TMCO6: variants seen among roughly 807,000 people sequenced by gnomAD.
TMCO6 encodes the protein transmembrane and coiled-coil domains 6.
Under a neutral mutation model 61.8 loss-of-function variants are expected in TMCO6, and 47 were observed. That is an observed-to-expected ratio of 0.76 (90% CI 0.60 to 0.97). The LOEUF is 0.97. Ranked by LOEUF, TMCO6 falls within the 50% of genes least tolerant of loss-of-function variation. The pLI, the probability that TMCO6 is intolerant of heterozygous loss-of-function variation, is 0.00. For synonymous variants in TMCO6, 261 were observed against 254.2 expected, an observed-to-expected ratio of 1.03 and a Z score of -0.25; for missense variants, 557 against 601.6, an observed-to-expected ratio of 0.93 and a Z score of 0.78.
At chr5:140,604,020 T>A in the TMCO6 span, among the ~76,000 whole-genome samples, 3 of 152,230 alleles carry the variant, frequency 2.0e-5, no homozygotes, top group Non-Finnish European at 4.4e-5. Flanking sequence ...ATTTAAAAAA[T>A]TTATCATTAT....
chr5:140,635,835 T>C (rs1008682598), upstream of TMCO6, among the ~76,000 whole-genome samples: 4 of 152,088 alleles, frequency 2.6e-5, no homozygotes, highest in Non-Finnish European at 4.4e-5. Flanking sequence ...AGACAGGACA[T>C]GGGGCTGGTT....
chr5:140,601,546 C>T, the TMCO6 span, among the ~76,000 whole-genome samples: 2 of 152,168 alleles, frequency 1.3e-5, no homozygotes, highest in African/African-American at 4.8e-5. Flanking sequence ...ACCCCATTCA[C>T]GTCAGCCTTA....
rs765665664 is a variant in TMCO6 at position 140,644,737 on chromosome 5, A to C, written c.1365A>C (p.Pro455=). 1 of 1,614,200 alleles carries C rather than the reference A, an allele frequency of 6.2e-7. No homozygotes were observed. Among genetic ancestry groups the C allele is most frequent in the East Asian group, 2.2e-5 (1 of 44,890 alleles). The change falls in exon 11 of 12, where the codon CCA becomes CCC. Residue 455 remains proline (P), a synonymous_variant. Coordinates refer to ENST00000394671, the MANE Select transcript of TMCO6 (RefSeq NM_018502.5). ...ELLHLLFLYQ[P]EAVQVFLQQS... ...TGCATCTGCTGTTCCTGTATCAGCC[A>C]GAGGTATAGGTTTCTGGCCCACATC...
chr5:140,605,537 G>A, the TMCO6 span, among the ~76,000 whole-genome samples: 1 of 151,912 alleles, frequency 6.6e-6, no homozygotes, highest in Admixed American at 6.6e-5. Flanking sequence ...AAAATTAGCT[G>A]GGCATGGTGG....
At chr5:140,631,778 C>A in the TMCO6 span, 1 of 1,374,434 alleles carries the variant, frequency 7.3e-7, no homozygotes, top group South Asian at 1.4e-5. Flanking sequence ...TTGAATTGGT[C>A]GAAAAGTCCT....
At chr5:140,632,810 C>A in the TMCO6 span, 1 of 1,613,918 alleles carries the variant, frequency 6.2e-7, no homozygotes, top group East Asian at 2.2e-5. The surrounding 1 kb of genome is among the most constrained non-coding windows in gnomAD (Gnocchi z 6.2). Context: ...CGGCATGGAT[C>A]TCCACCTCTA....
At position 140,644,568 on chromosome 5, in the gene TMCO6, T is replaced by C; in HGVS notation, c.1201-5T>C. ...TTTGTAGACTATATATGTGTCTATC[T>C]GCAGGTGCTCACAGTTCTGTGCAAT... On this transcript the variant is annotated splice_polypyrimidine_tract_variant and splice_region_variant and intron_variant, in intron 10 of 11. Coordinates refer to ENST00000394671, the MANE Select transcript of TMCO6 (RefSeq NM_018502.5). 1 of 1,613,976 alleles carries C rather than the reference T, an allele frequency of 6.2e-7. No individual in the cohort carries two copies. The highest frequency in any genetic ancestry group is 8.5e-7 in the Non-Finnish European group (1 of 1,179,948).
the TMCO6 span, among the ~76,000 whole-genome samples, chr5:140,610,456 A>G: frequency 2.0e-5 from 3 of 152,112 alleles, no homozygotes; most frequent in African/African-American, 7.2e-5. Flanking sequence ...GCCTCAGCCA[A>G]CCAAAGTGCT....
Position 140,643,918 on chromosome 5 carries a change from C to G in TMCO6, c.1057C>G (p.Gln353Glu). 6.2e-7 allele frequency: 1 copy of G among 1,614,244 alleles called. No individual in the cohort carries two copies. The highest frequency in any genetic ancestry group is 8.5e-7 in the Non-Finnish European group (1 of 1,180,048). ...CCTTCTGCAGTTCTTTTTCCAGAAACAGCCCAGTCTGCTCCCTGAGGGCCT... is the reference window on the plus strand; with the variant it reads ...CCTTCTGCAGTTCTTTTTCCAGAAAGAGCCCAGTCTGCTCCCTGAGGGCCT... ...FILLQFFFQK[Q>E]PSLLPEGLWL... The change falls in exon 9 of 12, where the codon CAG becomes GAG. Residue 353 changes from glutamine to glutamate, a missense_variant. By Grantham distance (29) the Gln-to-Glu change is conservative. Coordinates refer to ENST00000394671, the MANE Select transcript of TMCO6 (RefSeq NM_018502.5).
At chr5:140,622,804 A>T in the TMCO6 span, among the ~76,000 whole-genome samples, 1 of 151,996 alleles carries the variant, frequency 6.6e-6, no homozygotes, top group African/African-American at 2.4e-5. Flanking sequence ...GGACACCAAA[A>T]ACTACAAGCA....
Position 140,639,849 on chromosome 5 carries a change from G to A in TMCO6, c.196G>A (p.Glu66Lys), listed in dbSNP as rs1443016633. The A allele has an allele frequency of 1.2e-6, 2 of 1,601,888 alleles. No individual in the cohort carries two copies. Among genetic ancestry groups the A allele is most frequent in the South Asian group, 1.1e-5 (1 of 88,524 alleles). The change falls in exon 2 of 12, where the codon GAG becomes AAG. Residue 66 changes from glutamate (E) to lysine (K), a missense_variant and splice_region_variant. By Grantham distance (56) the Glu-to-Lys change is moderately conservative. Coordinates refer to ENST00000394671, the MANE Select transcript of TMCO6 (RefSeq NM_018502.5). ...GCVAAILGET[E>K]VQQFLRQAQR... Reference sequence around the variant, plus strand: ...TGTGGCTGCGATCCTCGGGGAAACCGAGGTGAGGGGGCAAGGTAGGGTGCG... The same window carrying A: ...TGTGGCTGCGATCCTCGGGGAAACCAAGGTGAGGGGGCAAGGTAGGGTGCG...
chr5:140,623,340 C>A, the TMCO6 span, among the ~76,000 whole-genome samples: 1 of 152,156 alleles, frequency 6.6e-6, no homozygotes, highest in African/African-American at 2.4e-5. Flanking sequence ...TAATGCATGT[C>A]TCAATTAATT....
the TMCO6 span, among the ~76,000 whole-genome samples, chr5:140,615,252 G>A: frequency 6.6e-6 from 1 of 152,114 alleles, no homozygotes; most frequent in East Asian, 1.9e-4. Context: ...AAGGAGACAA[G>A]ACTTGTACAA....
the TMCO6 span, among the ~76,000 whole-genome samples, chr5:140,618,702 A>C: frequency 6.6e-6 from 1 of 152,094 alleles, no homozygotes; most frequent in East Asian, 1.9e-4. Context: ...TTGTGTTCAT[A>C]AGTTCTTATC....
At chr5:140,625,769 T>C in the TMCO6 span, among the ~76,000 whole-genome samples, 3 of 152,162 alleles carry the variant, frequency 2.0e-5, no homozygotes, top group Non-Finnish European at 4.4e-5. Context: ...GTTAAATGGA[T>C]GAATAAATTA....
At chr5:140,610,784 C>T in the TMCO6 span, among the ~76,000 whole-genome samples, 1 of 152,152 alleles carries the variant, frequency 6.6e-6, no homozygotes, top group Admixed American at 6.6e-5. Context: ...TGAGAAAATA[C>T]ATCCTTGTTT....
upstream of TMCO6, among the ~76,000 whole-genome samples, chr5:140,636,628 C>T (rs1756777118): frequency 6.6e-6 from 1 of 152,000 alleles, no homozygotes; most frequent in Admixed American, 6.6e-5. Context: ...GCATGGTGCA[C>T]AGCAGGTACT....
rs376833004 is a variant in TMCO6 at position 140,644,131 on chromosome 5, C to T, written c.1137C>T (p.Leu379=). ...GTCCTAGTTTCTGTACCTCCTTGCT[C>T]TCCCTGGATCTGATTGAGCCTCTCT... The part of the protein sequence containing the change: ...ANSPSFCTSL[L]SLDLIEPLLQ... The change falls in exon 10 of 12, where the codon CTC becomes CTT. Residue 379 remains leucine, a synonymous_variant. Transcript: ENST00000394671. The T allele has an allele frequency of 6.2e-7, 1 of 1,614,216 alleles. No individual in the cohort carries two copies. The highest frequency in any genetic ancestry group is 8.5e-7 in the Non-Finnish European group (1 of 1,180,034).
In TMCO6 at chr5:140,644,785, C is replaced by A. The variant is rs1469276692; in HGVS notation, c.1368+45C>A. On this transcript the variant is annotated intron_variant, in intron 11 of 11. Transcript: ENST00000394671. ...ATCCTCAGTCACCCCTGTTCTGAAG[C>A]CACACAGTGGCTCCCTTCCCATCCA... The A allele has an allele frequency of 1.4e-5, 22 of 1,607,438 alleles. No individual in the cohort carries two copies. The South Asian group carries it at 2.3e-4, about 17-fold the overall frequency.
Sources: gnomAD v4.1 joint callset for allele counts (sites outside exome capture counted in the v4.1 genomes callset) on GRCh38, gnomAD v4.1.1 for gene constraint, Gnocchi (gnomAD v3.1) non-coding constraint, MANE v1.5 for transcripts, NCBI Gene and HGNC (gene_info 2026-07-23, HGNC 2026-07-21) for gene names.